MORC2: variants seen among roughly 807,000 people sequenced by gnomAD.
MORC2 encodes MORC family CW-type zinc finger 2, also known as ATPase MORC2.
MORC2 carries 30 observed loss-of-function variants against 136.0 expected under a neutral mutation model. That is an observed-to-expected ratio of 0.22 (90% confidence interval 0.17 to 0.30). MORC2 has a LOEUF of 0.30. Among genes scored for constraint, MORC2 ranks in the 10% least tolerant of loss-of-function variants. MORC2 has a pLI of 1.00. For synonymous variants in MORC2, 439 were observed against 487.0 expected (o/e 0.90, Z 1.30); for missense variants, 922 against 1,333.1 (o/e 0.69, Z 4.80).
At chr22:30,944,004 C>T (rs555700863) in intron 6 of MORC2, among the ~76,000 whole-genome samples, 12 of 152,266 alleles carry the variant, frequency 7.9e-5, no homozygotes, top group Middle Eastern at 3.4e-3. Context: ...ATGATCTGCC[C>T]GCCTCAGCCT....
intron 16 of MORC2, 55 bp downstream of exon 16, chr22:30,936,877 G>GT: frequency 3.3e-6 from 5 of 1,513,406 alleles, no homozygotes; most frequent in Non-Finnish European, 4.6e-6. Context: ...AAGAAACACA[G>GT]TGAGGGGCAG....
intron 9 of MORC2, 55 bp from the exon 10 acceptor site, chr22:30,940,892 C>T: frequency 4.1e-6 from 6 of 1,447,374 alleles, no homozygotes; most frequent in Non-Finnish European, 5.8e-6. Context: ...GCAGGTGGCA[C>T]ACCCAAGCAC....
At chr22:30,965,594 C>CA (rs2041116172) in intron 1 of MORC2, among the ~76,000 whole-genome samples, 1 of 152,256 alleles carries the variant, frequency 6.6e-6, no homozygotes, top group Admixed American at 6.5e-5. Context: ...CCAGAGCTTC[C>CA]AAAATGATAC....
chr22:30,941,621 C>T lies in MORC2; in HGVS notation c.699-63G>A. ...TCCACAACAGGCCTGACCAAGGGCA[C>T]AACATCCTCTCTGCAGGCTCTCCAC... On this transcript the variant is annotated intron_variant, in intron 8 of 25. Transcript: ENST00000397641. This position sits in a 1 kb window ranked among gnomAD's most constrained non-coding sequence, Gnocchi z 4.6. 5 of 1,576,184 alleles carry T rather than the reference C, an allele frequency of 3.2e-6. No homozygotes were observed. Among genetic ancestry groups the T allele is most frequent in the Non-Finnish European group, 4.3e-6 (5 of 1,156,006 alleles).
In MORC2 at chr22:30,960,484, A is replaced by C. The variant is rs4820919; in HGVS notation, c.69-1790T>G. On this transcript the variant is annotated intron_variant, in intron 1 of 25. Transcript: ENST00000397641. The stretch of plus-strand genomic sequence containing the variant: ...TATACTACAGGGAAAAGACAGATTT[A>C]TTTATTTATTTATTTATTTTGAGAC... Among the ~76,000 whole-genome samples the C allele has an allele frequency of 4.8e-3, 732 of 151,676 alleles. 1 individual carries two copies. The highest frequency in any genetic ancestry group is 0.017 in the Middle Eastern group (5 of 290).
At chr22:30,933,347 A>C in intron 21 of MORC2, 119 bp downstream of exon 21, 3 of 1,131,458 alleles carry the variant, frequency 2.7e-6, no homozygotes, top group Non-Finnish European at 3.8e-6. Flanking sequence ...CTGCTGCACA[A>C]GAGCCCAGAC....
intron 17 of MORC2, among the ~76,000 whole-genome samples, chr22:30,936,130 T>A (rs1456864189): frequency 6.6e-6 from 1 of 152,232 alleles, no homozygotes; most frequent in Non-Finnish European, 1.5e-5. Context: ...ATTATCTCCC[T>A]ATTTCTATTA....
At chr22:30,950,353 C>T (rs763494362) in intron 4 of MORC2, 24 bp downstream of exon 4, 20 of 1,481,974 alleles carry the variant, frequency 1.3e-5, no homozygotes, top group Non-Finnish European at 1.8e-5. Context: ...CCCCACCCCC[C>T]AAAACAATAA....
chr22:30,941,753 G>T lies in MORC2; in HGVS notation c.698+138C>A. 9.1e-7 allele frequency: 1 copy of T among 1,101,124 alleles called. No homozygotes were observed. The highest frequency in any genetic ancestry group is 1.3e-6 in the Non-Finnish European group (1 of 761,276). 68.2% of individuals were successfully genotyped at this position (1,101,124 alleles called of 1,614,324 possible). A position where few individuals can be genotyped will look rare whatever the true frequency, so the allele number is the denominator to read the frequency against. On this transcript the variant is annotated intron_variant, in intron 8 of 25. Coordinates refer to ENST00000397641, the MANE Select transcript of MORC2 (RefSeq NM_001303256.3). The surrounding 1 kb of genome is among the most constrained non-coding windows in gnomAD (Gnocchi z 4.6). ...CGTCCTCAGCACAGGCACCCCACAG[G>T]CAACTGAGCTGGCCCTACATACTAC...
At chr22:30,945,470 G>C (rs992041878) in intron 6 of MORC2, among the ~76,000 whole-genome samples, 1 of 152,192 alleles carries the variant, frequency 6.6e-6, no homozygotes, top group African/African-American at 2.4e-5. Flanking sequence ...TGTGGAAGTT[G>C]CGGATTTCTT....
In MORC2 at chr22:30,939,948, C is replaced by CG. The variant is rs1569193635; in HGVS notation, c.987+10dup. The CG allele has an allele frequency of 6.2e-7, 1 of 1,612,970 alleles. No homozygotes were observed. Among genetic ancestry groups the CG allele is most frequent in the Non-Finnish European group, 8.5e-7 (1 of 1,179,570 alleles). On this transcript the variant is annotated intron_variant, in intron 11 of 25. Coordinates refer to ENST00000397641, the MANE Select transcript of MORC2 (RefSeq NM_001303256.3). ...AACGCTGGAGAACAGCCGCCTGGGC[C>CG]GGGACCTTACCCTGGAGTCCCGCGT...
At position 30,950,381 on chromosome 22, in the gene MORC2, A is replaced by G; in HGVS notation, c.222T>C (p.Asp74=). 1 of 1,508,558 alleles carries G rather than the reference A, an allele frequency of 6.6e-7. No individual in the cohort carries two copies. The allele number at this position is 1,508,558 out of a possible 1,614,324, so 93.4% of individuals were successfully genotyped here. A position where few individuals can be genotyped will look rare whatever the true frequency, so the allele number is the denominator to read the frequency against. Reference sequence around the variant, plus strand: ...AACAATAATCTCATCACTTACTTGGATCCATTCCTGCTCCATCATCCAAAA... The same window carrying G: ...AACAATAATCTCATCACTTACTTGGGTCCATTCCTGCTCCATCATCCAAAA... ...LCFLDDGAGM[D]PSDAASVIQF... is the part of the protein sequence containing the mutation. Residue 74 remains aspartate (D), a synonymous_variant, in exon 4 of 26, where the codon GAT becomes GAC. Coordinates refer to ENST00000397641, the MANE Select transcript of MORC2 (RefSeq NM_001303256.3).
Position 30,934,014 on chromosome 22 carries a change from A to G in MORC2, c.2325+46T>C. ...GGTGCAGACTGCTGGTGGGGGCTGC[A>G]GGCCCTAGAGAGAGAGGCTTTGAGA... is the stretch of plus-strand genomic sequence containing the variant. On this transcript the variant is annotated intron_variant, in intron 20 of 25. Transcript: ENST00000397641. This position sits in a 1 kb window ranked among gnomAD's most constrained non-coding sequence, Gnocchi z 4.4. 6.2e-7 allele frequency: 1 copy of G among 1,610,160 alleles called. No individual in the cohort carries two copies. Among genetic ancestry groups the G allele is most frequent in the Non-Finnish European group, 8.5e-7 (1 of 1,177,598 alleles).
At position 30,934,743 on chromosome 22, in the gene MORC2, A is replaced by T. The variant is rs2040626437; in HGVS notation, c.2193+38T>A. On this transcript the variant is annotated intron_variant, in intron 19 of 25. Coordinates refer to ENST00000397641, the MANE Select transcript of MORC2 (RefSeq NM_001303256.3). The surrounding 1 kb of genome is among the most constrained non-coding windows in gnomAD (Gnocchi z 4.4). Reference sequence around the variant, plus strand: ...GCACAATTCCATTCCTACACTACTGACACTGGGCTGGGGTATTAAAGAGGA... The same window carrying T: ...GCACAATTCCATTCCTACACTACTGTCACTGGGCTGGGGTATTAAAGAGGA... The T allele has an allele frequency of 6.2e-7, 1 of 1,604,206 alleles. No individual in the cohort carries two copies. Among genetic ancestry groups the T allele is most frequent in the South Asian group, 1.1e-5 (1 of 89,744 alleles).
rs368423101 is a variant in MORC2 at position 30,947,794 on chromosome 22, C to A, written c.318-1345G>T. 9.9e-5 allele frequency among the ~76,000 whole-genome samples: 15 copies of A among 152,284 alleles called. No homozygotes were observed. The South Asian group carries it at 2.7e-3, about 27-fold the overall frequency. On this transcript the variant is annotated intron_variant, in intron 5 of 25. Coordinates refer to ENST00000397641, the MANE Select transcript of MORC2 (RefSeq NM_001303256.3). ...TGCCCTTGCCCTAATTTGGCAAAAA[C>A]TCTCACTTTGTGCCTCTATCTTCCT...
rs1353963202 is a variant in MORC2, at chr22:30,926,831, A to T, written c.3071T>A (p.Ile1024Asn). 1 of 1,613,672 alleles carries T rather than the reference A, an allele frequency of 6.2e-7. No homozygotes were observed. Among genetic ancestry groups the T allele is most frequent in the Non-Finnish European group, 8.5e-7 (1 of 1,179,874 alleles). ...INTDDELDAY[I>N]EDLITKGD Reference sequence around the variant, plus strand: ...GTCCCCCTTGGTGATGAGGTCCTCAATGTAGGCGTCCAGCTCATCATCTGT... The same window carrying T: ...GTCCCCCTTGGTGATGAGGTCCTCATTGTAGGCGTCCAGCTCATCATCTGT... Residue 1024 changes from isoleucine (I) to asparagine (N), a missense_variant, in exon 26 of 26, where the codon ATT becomes AAT. This residue lies in a region of MORC2 where 263 missense variants were observed against 388.3 expected (regional missense o/e 0.68). Transcript: ENST00000397641.
chr22:30,967,314 T>C (rs927132580), intron 1 of MORC2: 35 of 987,666 alleles, frequency 3.5e-5, no homozygotes, highest in East Asian at 1.1e-4. Flanking sequence ...ACAAATAATA[T>C]TGGATGTGAG....
intron 1 of MORC2, among the ~76,000 whole-genome samples, chr22:30,966,639 G>A (rs937976609): frequency 6.6e-5 from 10 of 152,064 alleles, no homozygotes; most frequent in African/African-American, 9.7e-5. Context: ...TTAGCTGGGC[G>A]TGGTGGTGCA....
rs892793528 is a variant in MORC2 at position 30,928,142 on chromosome 22, A to G, written c.2907T>C (p.Ala969=). 1 of 1,613,878 alleles carries G rather than the reference A, an allele frequency of 6.2e-7. No homozygotes were observed. Among genetic ancestry groups the G allele is most frequent in the Non-Finnish European group, 8.5e-7 (1 of 1,180,030 alleles). Residue 969 remains alanine, a synonymous_variant, in exon 25 of 26, where the codon GCT becomes GCC. Coordinates refer to ENST00000397641, the MANE Select transcript of MORC2 (RefSeq NM_001303256.3). ...CCTCGGAGGCCTTGGCCCGGGAGTCAGCACGGCTCTGGTAGGAATTGCACA... is the reference window on the plus strand; with the variant it reads ...CCTCGGAGGCCTTGGCCCGGGAGTCGGCACGGCTCTGGTAGGAATTGCACA... The part of the protein sequence containing the change: ...QNLCNSYQSR[A]DSRAKASEES...
Sources: allele counts gnomAD v4.1 joint callset (sites outside exome capture counted in the v4.1 genomes callset), GRCh38; gene constraint gnomAD v4.1.1; regional missense constraint gnomAD v4.1.1; non-coding constraint Gnocchi (gnomAD v3.1); transcripts MANE v1.5; gene names NCBI Gene and HGNC (gene_info 2026-07-23, HGNC 2026-07-21).